Variants in NBAS observed in about 807,000 individuals in gnomAD.
The protein encoded by NBAS is NAG/BC035112 fusion.
NBAS carries 219 observed loss-of-function variants against 302.5 expected under a neutral mutation model. The observed-to-expected ratio is 0.72, with a 90% confidence interval of 0.65 to 0.81. The LOEUF is 0.81. Ranked by LOEUF, NBAS falls within the 30% of genes least tolerant of loss-of-function variation. The pLI, the probability that NBAS is intolerant of heterozygous loss-of-function variation, is 0.00. For missense variants in NBAS, 2,932 were observed against 2,841.6 expected (o/e 1.03, Z -0.72); for synonymous variants, 1,118 against 1,021.6 (o/e 1.09, Z -1.80).
the NBAS span, among the ~76,000 whole-genome samples, chr2:14,984,030 T>TA: frequency 6.6e-6 from 1 of 152,126 alleles, no homozygotes; most frequent in African/African-American, 2.4e-5. Context: ...AGAATCCCAT[T>TA]AAAAAATGCA....
At chr2:14,854,321 A>G in the NBAS span, among the ~76,000 whole-genome samples, 3 of 151,952 alleles carry the variant, frequency 2.0e-5, no homozygotes, top group Non-Finnish European at 4.4e-5. Flanking sequence ...AAGAAATAAT[A>G]AAGATCAGAC....
At chr2:15,508,842 A>G (rs928950069) in intron 10 of NBAS, among the ~76,000 whole-genome samples, 2 of 152,002 alleles carry the variant, frequency 1.3e-5, no homozygotes, top group African/African-American at 2.4e-5. Context: ...CTTCTCTACT[A>G]AAAGACAAAA....
At chr2:15,413,703 T>C (rs1676790553) in intron 25 of NBAS, among the ~76,000 whole-genome samples, 1 of 152,198 alleles carries the variant, frequency 6.6e-6, no homozygotes, top group African/African-American at 2.4e-5. Flanking sequence ...CAAGCCACTC[T>C]AGAGAATCCA....
At chr2:15,108,216 G>A in the NBAS span, among the ~76,000 whole-genome samples, 11 of 152,150 alleles carry the variant, frequency 7.2e-5, no homozygotes, top group African/African-American at 2.6e-4. Context: ...AGATCATATG[G>A]TATGTTCATG....
the NBAS span, among the ~76,000 whole-genome samples, chr2:15,011,384 TAA>T: frequency 2.4e-4 from 36 of 147,810 alleles, no homozygotes; most frequent in African/African-American, 8.4e-4. Context: ...TTTGAAGAGC[TAA>T]AAAAAAAAGT....
chr2:15,154,410 A>T, the NBAS span, among the ~76,000 whole-genome samples: 1 of 152,132 alleles, frequency 6.6e-6, no homozygotes, highest in African/African-American at 2.4e-5. Flanking sequence ...CTGCATAGAC[A>T]TCGGTGGTTT....
chr2:15,069,760 C>T, the NBAS span, among the ~76,000 whole-genome samples: 3 of 152,122 alleles, frequency 2.0e-5, no homozygotes, highest in Non-Finnish European at 2.9e-5. Context: ...CTACATAAAA[C>T]ATTAATAACA....
At chr2:15,290,471 C>T (rs1426977540) in intron 41 of NBAS, among the ~76,000 whole-genome samples, 2 of 152,160 alleles carry the variant, frequency 1.3e-5, no homozygotes, top group Non-Finnish European at 2.9e-5. Flanking sequence ...AAAATAAAGG[C>T]CAAAAACTCT....
intron 6 of NBAS, among the ~76,000 whole-genome samples, chr2:15,547,544 A>C (rs527603252): frequency 1.2e-4 from 19 of 152,334 alleles, no homozygotes; most frequent in African/African-American, 4.6e-4. Flanking sequence ...ATTTGTATAA[A>C]ATACAGAAGG....
intron 12 of NBAS, among the ~76,000 whole-genome samples, chr2:15,479,157 T>A (rs1680316681): frequency 6.6e-6 from 1 of 152,138 alleles, no homozygotes; most frequent in Admixed American, 6.5e-5. Flanking sequence ...TCTCCACTAT[T>A]ATGGTAAATC....
intron 9 of NBAS, among the ~76,000 whole-genome samples, chr2:15,528,357 T>C (rs1663025446): frequency 6.7e-6 from 1 of 149,366 alleles, no homozygotes; most frequent in African/African-American, 2.4e-5. Context: ...TATAGATTTT[T>C]AATATATTTT....
chr2:14,946,753 G>A, the NBAS span, among the ~76,000 whole-genome samples: 21,841 of 152,114 alleles, frequency 0.14, 2,034 homozygotes, highest in African/African-American at 0.27. Flanking sequence ...TGCATGAAAT[G>A]TCCTCTAGAA....
At chr2:14,896,524 G>A in the NBAS span, among the ~76,000 whole-genome samples, 4 of 152,140 alleles carry the variant, frequency 2.6e-5, no homozygotes, top group African/African-American at 9.6e-5. Flanking sequence ...TCTGGAAGCC[G>A]ATCCTAAGCG....
the NBAS span, among the ~76,000 whole-genome samples, chr2:15,014,292 G>A: frequency 2.6e-5 from 4 of 151,940 alleles, no homozygotes; most frequent in Admixed American, 6.6e-5. Context: ...TATACCAAAC[G>A]GACCTAACAG....
intron 35 of NBAS, among the ~76,000 whole-genome samples, chr2:15,339,033 T>A (rs775839964): frequency 6.6e-6 from 1 of 151,968 alleles, no homozygotes; most frequent in Non-Finnish European, 1.5e-5. Flanking sequence ...TTTTTAAAAA[T>A]CAATATTAAG....
At chr2:15,054,910 A>C in the NBAS span, among the ~76,000 whole-genome samples, 1 of 152,174 alleles carries the variant, frequency 6.6e-6, no homozygotes. Flanking sequence ...GGCCAAATAA[A>C]TTTGGGACTG....
rs910477910 is a variant in NBAS, at chr2:15,473,166, C to T, written c.1725+56G>A. The T allele has an allele frequency of 2.5e-6, 4 of 1,588,718 alleles. No homozygotes were observed. In the South Asian group the frequency reaches 3.3e-5, roughly 13 times the overall value. Reference sequence around the variant, plus strand: ...GTACTCTAAAATGAAGCCCTATAAACAAAAGATATTACATGAATATACATT... The same window carrying T: ...GTACTCTAAAATGAAGCCCTATAAATAAAAGATATTACATGAATATACATT... On this transcript the variant is annotated intron_variant, in intron 16 of 51. Coordinates refer to ENST00000281513, the MANE Select transcript of NBAS (RefSeq NM_015909.4).
the NBAS span, among the ~76,000 whole-genome samples, chr2:15,098,387 ATTG>A: frequency 4.1e-5 from 2 of 49,244 alleles, no homozygotes; most frequent in African/African-American, 8.2e-5. Context: ...TATATGATAT[ATTG>A]TATATTATAT....
intron 21 of NBAS, among the ~76,000 whole-genome samples, chr2:15,439,234 G>A (rs539327890): frequency 1.3e-5 from 2 of 151,284 alleles, no homozygotes; most frequent in African/African-American, 4.9e-5. Flanking sequence ...ACCGGGAGGT[G>A]GGGCTTGCAG....
Sources: gnomAD v4.1 joint callset for allele counts (sites outside exome capture counted in the v4.1 genomes callset) on GRCh38, gnomAD v4.1.1 for gene constraint, MANE v1.5 for transcripts, NCBI Gene and HGNC (gene_info 2026-07-23, HGNC 2026-07-21) for gene names.